Variants in STAG1 observed in about 807,000 individuals in gnomAD.
The protein encoded by STAG1 is STAG1 cohesin complex component.
A neutral mutation model predicts 170.9 loss-of-function variants in STAG1; 26 were observed. The observed-to-expected ratio is 0.15, with a 90% confidence interval of 0.11 to 0.21. The LOEUF is 0.21. Ranked by LOEUF, STAG1 falls within the 10% of genes least tolerant of loss-of-function variation. STAG1 has a pLI of 1.00. For synonymous variants in STAG1, 514 were observed against 497.7 expected (o/e 1.03, Z -0.44); for missense variants, 964 against 1,509.5 (o/e 0.64, Z 5.99).
intron 4 of STAG1, among the ~76,000 whole-genome samples, chr3:136,603,564 T>G (rs2107807354): frequency 6.6e-6 from 1 of 152,252 alleles, no homozygotes; most frequent in South Asian, 2.1e-4. Flanking sequence ...TTAGTATTTA[T>G]GGACTAAATG....
Position 136,538,439 on chromosome 3 carries a change from G to A in STAG1, c.471+3680C>T, listed in dbSNP as rs538206956. On this transcript the variant is annotated intron_variant, in intron 6 of 33. Coordinates refer to ENST00000383202, the MANE Select transcript of STAG1 (RefSeq NM_005862.3). ...TTTTTTTTTTTTTTCTTTTTTGAGA[G>A]AGAGCATCTCACTCTGTTGCCCAGG... Among the ~76,000 whole-genome samples, 265 of 146,318 alleles carry A rather than the reference G, an allele frequency of 1.8e-3. 2 individuals are homozygous for A. Among genetic ancestry groups the A allele is most frequent in the African/African-American group, 6.5e-3 (253 of 38,888 alleles).
At chr3:136,603,218 G>A (rs1233815726) in intron 4 of STAG1, among the ~76,000 whole-genome samples, 1 of 150,978 alleles carries the variant, frequency 6.6e-6, no homozygotes, top group Non-Finnish European at 1.5e-5. Flanking sequence ...TTGAGATAGA[G>A]TCTGGCTCTG....
chr3:136,650,882 T>C (rs1226816493), intron 1 of STAG1, among the ~76,000 whole-genome samples: 1 of 151,000 alleles, frequency 6.6e-6, no homozygotes, highest in Non-Finnish European at 1.5e-5. Context: ...TAAGAGAGAT[T>C]TATTTCAAAG....
intron 20 of STAG1, among the ~76,000 whole-genome samples, chr3:136,418,707 T>A (rs139742671): frequency 0.027 from 4,067 of 151,928 alleles, 87 homozygotes; most frequent in Non-Finnish European, 0.042. Context: ...AGTGGCAAGA[T>A]CTTGGCTCAC....
At chr3:136,430,826 C>T (rs1324409640) in intron 16 of STAG1, among the ~76,000 whole-genome samples, 1 of 127,934 alleles carries the variant, frequency 7.8e-6, no homozygotes, top group Admixed American at 7.3e-5. Context: ...CACACACACA[C>T]ACACACACAC....
intron 4 of STAG1, among the ~76,000 whole-genome samples, chr3:136,590,491 T>C (rs1179576026): frequency 6.8e-6 from 1 of 146,364 alleles, no homozygotes; most frequent in African/African-American, 2.5e-5. Flanking sequence ...AGACTCTGTC[T>C]CAAAAAAAAA....
chr3:136,584,395 G>A (rs72971453), intron 4 of STAG1, among the ~76,000 whole-genome samples: 1,739 of 152,240 alleles, frequency 0.011, 20 homozygotes, highest in African/African-American at 0.04. Flanking sequence ...GATAACTGCT[G>A]TCTCCTAGCT....
At chr3:136,723,848 C>T (rs1489705275) in intron 1 of STAG1, among the ~76,000 whole-genome samples, 4 of 143,698 alleles carry the variant, frequency 2.8e-5, no homozygotes, top group Admixed American at 2.1e-4. Flanking sequence ...GTCAGCCCCC[C>T]GCCCGGCCAG....
At chr3:136,727,590 A>C (rs1326981893) in intron 1 of STAG1, among the ~76,000 whole-genome samples, 3 of 152,184 alleles carry the variant, frequency 2.0e-5, no homozygotes, top group African/African-American at 7.2e-5. Flanking sequence ...GAATATAGTT[A>C]AGGATGGAAC....
intron 29 of STAG1, 69 bp from the exon 30 acceptor site, chr3:136,344,075 G>T: frequency 1.7e-6 from 2 of 1,211,664 alleles, no homozygotes; most frequent in South Asian, 2.0e-5. Flanking sequence ...TCATAGCATA[G>T]ACTTGTGAAG....
intron 7 of STAG1, chr3:136,518,473 A>T: frequency 1.5e-6 from 1 of 680,738 alleles, no homozygotes; most frequent in Non-Finnish European, 2.7e-6. Context: ...TATACCATTA[A>T]AAATAAGAAG....
At chr3:136,694,871 T>A (rs1344326737) in intron 1 of STAG1, among the ~76,000 whole-genome samples, 1 of 152,028 alleles carries the variant, frequency 6.6e-6, no homozygotes, top group South Asian at 2.1e-4. Context: ...AGAAATATCA[T>A]GGAAGAAGAA....
intron 1 of STAG1, among the ~76,000 whole-genome samples, chr3:136,745,981 G>A (rs1934916964): frequency 6.6e-6 from 1 of 152,084 alleles, no homozygotes; most frequent in East Asian, 1.9e-4. Context: ...AAATCTGAGG[G>A]AAGCAATAAG....
At chr3:136,592,676 G>A (rs568830546) in intron 4 of STAG1, among the ~76,000 whole-genome samples, 15 of 152,164 alleles carry the variant, frequency 9.9e-5, no homozygotes, top group Admixed American at 2.0e-4. Context: ...AAATGACAAC[G>A]CTAAGGTTAG....
At chr3:136,424,328 CTTTTTTTTT>C (rs60213699) in intron 16 of STAG1, among the ~76,000 whole-genome samples, 1 of 117,192 alleles carries the variant, frequency 8.5e-6, no homozygotes, top group African/African-American at 3.2e-5. Context: ...ATGGAACGAT[CTTTTTTTTT>C]TTTTTTTTTT....
intron 6 of STAG1, among the ~76,000 whole-genome samples, chr3:136,524,519 T>C (rs1278283553): frequency 1.3e-5 from 2 of 152,226 alleles, no homozygotes; most frequent in African/African-American, 4.8e-5. Flanking sequence ...GTTTTCTAAA[T>C]ATACAATCCT....
intron 1 of STAG1, among the ~76,000 whole-genome samples, chr3:136,665,234 T>C (rs545075576): frequency 5.3e-5 from 8 of 152,306 alleles, no homozygotes; most frequent in Middle Eastern, 3.4e-3. Context: ...AGATGAGATA[T>C]TGAACTGTTA....
chr3:136,508,896 G>C (rs1377489888), intron 7 of STAG1, among the ~76,000 whole-genome samples: 1 of 152,204 alleles, frequency 6.6e-6, no homozygotes, highest in East Asian at 1.9e-4. Context: ...GCGAGAGAGA[G>C]AGAGAGAGAG....
At chr3:136,680,812 T>C (rs887323599) in intron 1 of STAG1, among the ~76,000 whole-genome samples, 6 of 151,212 alleles carry the variant, frequency 4.0e-5, no homozygotes, top group African/African-American at 1.5e-4. Context: ...CATATACCTA[T>C]ATACGTATAA....
Sources: gnomAD v4.1 joint callset for allele counts (sites outside exome capture counted in the v4.1 genomes callset) on GRCh38, gnomAD v4.1.1 for gene constraint, MANE v1.5 for transcripts, NCBI Gene and HGNC (gene_info 2026-07-23, HGNC 2026-07-21) for gene names.